Variants in NOX3 observed in about 807,000 individuals in gnomAD.
NOX3 encodes the protein NADPH oxidase catalytic subunit-like 3.
A neutral mutation model predicts 76.7 loss-of-function variants in NOX3; 74 were observed. The observed-to-expected ratio is 0.96, with a 90% CI of 0.80 to 1.17. The LOEUF (loss-of-function observed/expected upper bound fraction) is 1.17, where lower values mean the gene tolerates loss of function less well. NOX3 is among the 50% of genes most tolerant of loss of function. The pLI, the probability that NOX3 is intolerant of heterozygous loss-of-function variation, is 0.00. For synonymous variants in NOX3, 263 were observed against 261.1 expected, an observed-to-expected ratio of 1.01 and a Z score of -0.07; for missense variants, 695 against 703.3, an observed-to-expected ratio of 0.99 and a Z score of 0.13.
In NOX3 at chr6:155,434,507, C is replaced by T. The variant is rs549098605; in HGVS notation, c.798+1911G>A. Reference sequence around the variant, plus strand: ...CGTCCCTGGGAAGGATGGGGTTGGACCGAGCAAAGGAATCCTTAGGTCTCT... The same window carrying T: ...CGTCCCTGGGAAGGATGGGGTTGGATCGAGCAAAGGAATCCTTAGGTCTCT... On this transcript the variant is annotated intron_variant, in intron 7 of 13. Coordinates refer to ENST00000159060, the MANE Select transcript of NOX3 (RefSeq NM_015718.3). Among the ~76,000 whole-genome samples, 8 of 152,198 alleles carry T rather than the reference C, an allele frequency of 5.3e-5. No homozygotes were observed. The East Asian group carries it at 1.2e-3, about 22-fold the overall frequency.
rs757187647 is a variant in NOX3, at chr6:155,443,283, G to T, written c.476C>A (p.Thr159Asn). The T allele has an allele frequency of 1.7e-5, 27 of 1,613,600 alleles. No individual in the cohort carries two copies. Among genetic ancestry groups the T allele is most frequent in the Non-Finnish European group, 2.1e-5 (25 of 1,179,720 alleles). Residue 159 changes from threonine (T) to asparagine (N), a missense_variant, in exon 5 of 14, where the codon ACC becomes AAC. Transcript: ENST00000159060. Reference sequence around the variant, plus strand: ...CATGCAGGAACTCACTGTGGGGAAGGTCCGGACAGGGTTGAGGTAGCTCTC... The same window carrying T: ...CATGCAGGAACTCACTGTGGGGAAGTTCCGGACAGGGTTGAGGTAGCTCTC... ...PNESYLNPVR[T>N]FPTNTTTELL...
At chr6:155,442,634 A>T (rs1777008613) in intron 5 of NOX3, among the ~76,000 whole-genome samples, 1 of 152,246 alleles carries the variant, frequency 6.6e-6, no homozygotes. Context: ...AAGGGAGACG[A>T]CCGTCTTCAT....
chr6:155,417,258 G>A (rs539951059), intron 10 of NOX3, among the ~76,000 whole-genome samples: 1 of 152,084 alleles, frequency 6.6e-6, no homozygotes, highest in Non-Finnish European at 1.5e-5. Context: ...AATGTGTATA[G>A]GTATATGCAT....
At chr6:155,396,511 C>T (rs1169956519) in intron 13 of NOX3, among the ~76,000 whole-genome samples, 1 of 152,154 alleles carries the variant, frequency 6.6e-6, no homozygotes, top group East Asian at 1.9e-4. Flanking sequence ...ATCCAGCTCG[C>T]CCCCTGAGTG....
chr6:155,406,511 C>G (rs1412782504), intron 12 of NOX3, among the ~76,000 whole-genome samples: 5 of 152,170 alleles, frequency 3.3e-5, no homozygotes, highest in Non-Finnish European at 7.4e-5. Context: ...GTGATAGCAG[C>G]TAGTGCTTCT....
chr6:155,405,605 C>T (rs1776442799), intron 12 of NOX3, among the ~76,000 whole-genome samples: 1 of 152,170 alleles, frequency 6.6e-6, no homozygotes, highest in Non-Finnish European at 1.5e-5. Flanking sequence ...GAACTCCTGA[C>T]ACCCCATGTC....
intron 10 of NOX3, among the ~76,000 whole-genome samples, chr6:155,414,660 C>G (rs1314808352): frequency 8.4e-6 from 1 of 118,804 alleles, no homozygotes; most frequent in African/African-American, 3.3e-5. Flanking sequence ...GGGAGTCTCT[C>G]TCTGTTGCCC....
rs1189187598 is a variant in NOX3 at position 155,396,976 on chromosome 6, A to G, written c.1581-14T>C. 2.5e-6 allele frequency: 4 copies of G among 1,595,194 alleles called. No individual in the cohort carries two copies. In the Admixed American group the frequency reaches 7.1e-5, roughly 28 times the overall value. On this transcript the variant is annotated splice_polypyrimidine_tract_variant and intron_variant, in intron 12 of 13. Coordinates refer to ENST00000159060, the MANE Select transcript of NOX3 (RefSeq NM_015718.3). ...CCAATACTGCTGCTGCAGTAGGGGT[A>G]AGAAAAGGAAATAAAATGTCACCAG...
chr6:155,413,351 G>A (rs1731390968), intron 10 of NOX3, among the ~76,000 whole-genome samples: 1 of 152,064 alleles, frequency 6.6e-6, no homozygotes, highest in African/African-American at 2.4e-5. Flanking sequence ...TGGGCGAGGG[G>A]AGGGCTGGGG....
intron 13 of NOX3, among the ~76,000 whole-genome samples, chr6:155,396,397 A>C (rs767323092): frequency 3.3e-5 from 5 of 152,186 alleles, no homozygotes; most frequent in Non-Finnish European, 5.9e-5. Context: ...CTTCAAGCCA[A>C]GAAGCAGCGT....
intron 8 of NOX3, 86 bp downstream of exon 8, chr6:155,430,757 T>A: frequency 1.3e-6 from 1 of 786,544 alleles, no homozygotes; most frequent in Non-Finnish European, 2.2e-6. Flanking sequence ...AGTTCTGCAA[T>A]AAAAATGGCA....
chr6:155,414,838 T>C (rs1582931556), intron 10 of NOX3, among the ~76,000 whole-genome samples: 1 of 151,920 alleles, frequency 6.6e-6, no homozygotes, highest in African/African-American at 2.4e-5. Context: ...ATGTTGGCCA[T>C]GCTGGTCTCG....
At chr6:155,429,312 A>C (rs1364996929) in intron 8 of NOX3, among the ~76,000 whole-genome samples, 1 of 152,204 alleles carries the variant, frequency 6.6e-6, no homozygotes, top group Non-Finnish European at 1.5e-5. Flanking sequence ...ATGTGAGTCC[A>C]TGTGTCCAAT....
chr6:155,399,328 C>T (rs1385605974), intron 12 of NOX3, among the ~76,000 whole-genome samples: 3 of 152,156 alleles, frequency 2.0e-5, no homozygotes, highest in African/African-American at 7.2e-5. Context: ...GATGCTCTGC[C>T]TTTAAGACTC....
At chr6:155,420,585 G>A (rs1776676838) in intron 10 of NOX3, among the ~76,000 whole-genome samples, 2 of 152,164 alleles carry the variant, frequency 1.3e-5, no homozygotes, top group South Asian at 2.1e-4. Flanking sequence ...AGCTCTCTGT[G>A]TGTCAGGGTC....
chr6:155,440,209 ATTT>A, intron 5 of NOX3, 72 bp from the exon 6 acceptor site: 2 of 1,035,596 alleles, frequency 1.9e-6, no homozygotes, highest in Non-Finnish European at 1.3e-6. Context: ...ATCCTGGCAT[ATTT>A]TTTTTTTTCA....
chr6:155,455,766 G>C lies in NOX3; in HGVS notation c.35C>G (p.Ser12Cys). The C allele has an allele frequency of 1.2e-6, 2 of 1,613,462 alleles. No individual in the cohort carries two copies. Among genetic ancestry groups the C allele is most frequent in the Non-Finnish European group, 1.7e-6 (2 of 1,179,442 alleles). The change falls in exon 1 of 14, where the codon TCC becomes TGC. Residue 12 changes from serine to cysteine, a missense_variant. Physicochemically the swap from Ser to Cys is moderately radical, Grantham distance 112. Coordinates refer to ENST00000159060, the MANE Select transcript of NOX3 (RefSeq NM_015718.3). ...MGCWILNEGLSTILVLSWLGI... is the reference protein window; with the variant it reads ...MGCWILNEGLCTILVLSWLGI... ...AATGATACTTACTACTAATATGGTG[G>C]AGAGACCCTCATTCAAAATCCAGCA...
chr6:155,440,109 A>C lies in NOX3; in HGVS notation c.515T>G (p.Ile172Arg), dbSNP rs768316309. The change falls in exon 6 of 14, where the codon ATA (isoleucine) becomes AGA (arginine). Residue 172 changes from isoleucine (I) to arginine (R), a missense_variant. Ile to Arg is a moderately conservative substitution (Grantham distance 97). Coordinates refer to ENST00000159060, the MANE Select transcript of NOX3 (RefSeq NM_015718.3). The stretch of plus-strand genomic sequence containing the variant: ...GATCACCAGACCGGTGACGCCTGCT[A>C]TTGTCCTTAGCAATTCAGTGGTTGT... ...TNTTTELLRT[I>R]AGVTGLVISL... 2.9e-5 allele frequency: 47 copies of C among 1,610,786 alleles called. No homozygotes were observed. The highest frequency in any genetic ancestry group is 1.6e-4 in the Middle Eastern group (1 of 6,074).
intron 5 of NOX3, among the ~76,000 whole-genome samples, chr6:155,440,483 TA>T (rs984807117): frequency 1.8e-4 from 26 of 147,694 alleles, no homozygotes; most frequent in Admixed American, 2.0e-4. Context: ...ATAAATAAAT[TA>T]AAAAAAAAAA....
Sources: allele counts gnomAD v4.1 joint callset (sites outside exome capture counted in the v4.1 genomes callset), GRCh38; gene constraint gnomAD v4.1.1; transcripts MANE v1.5; gene names NCBI Gene and HGNC (gene_info 2026-07-23, HGNC 2026-07-21).